The following EYS variants were observed in gnomAD, a reference collection of about 807,000 sequenced individuals.
EYS encodes protein eyes shut homolog.
Under a neutral mutation model 282.1 loss-of-function variants are expected in EYS, and 250 were observed. That is an observed-to-expected ratio of 0.89 (90% confidence interval 0.80 to 0.98). EYS has a LOEUF of 0.98. Ranked by LOEUF, EYS falls within the 50% of genes least tolerant of loss-of-function variation. The pLI, the probability that EYS is intolerant of heterozygous loss-of-function variation, is 0.00. For missense variants in EYS, 4,016 were observed against 3,709.0 expected (o/e 1.08, Z -2.15); for synonymous variants, 1,355 against 1,282.9 (o/e 1.06, Z -1.20).
chr6:63,857,181 G>A (rs778458254), intron 36 of EYS, among the ~76,000 whole-genome samples: 6 of 152,214 alleles, frequency 3.9e-5, no homozygotes, highest in African/African-American at 4.8e-5. Context: ...TTCGTAGTCC[G>A]AGATGACTTC....
rs902179630 is a variant in EYS at position 65,267,944 on chromosome 6, C to T, written c.2023+27919G>A. On this transcript the variant is annotated intron_variant, in intron 12 of 42. Coordinates refer to ENST00000503581, the MANE Select transcript of EYS (RefSeq NM_001142800.2). ...TTAGAAAATGTGTGTCTCACTATCTCTCCCCTCTAAACACACACACACCCA... is the reference window on the plus strand; with the variant it reads ...TTAGAAAATGTGTGTCTCACTATCTTTCCCCTCTAAACACACACACACCCA... 4.0e-5 allele frequency among the ~76,000 whole-genome samples: 6 copies of T among 151,812 alleles called. No homozygotes were observed. The South Asian group carries it at 1.2e-3, about 32-fold the overall frequency.
chr6:64,035,150 A>C lies in EYS; in HGVS notation c.6725+31188T>G, dbSNP rs1435849272. Reference sequence around the variant, plus strand: ...GACTTATCTGGTCCTTAGTGTCAATAGTGTCCAGTGTGATAAACTCTTTAA... The same window carrying C: ...GACTTATCTGGTCCTTAGTGTCAATCGTGTCCAGTGTGATAAACTCTTTAA... On this transcript the variant is annotated intron_variant, in intron 33 of 42. Coordinates refer to ENST00000503581, the MANE Select transcript of EYS (RefSeq NM_001142800.2). 2.0e-5 allele frequency among the ~76,000 whole-genome samples: 3 copies of C among 152,340 alleles called. No individual in the cohort carries two copies. The East Asian group carries it at 5.8e-4, about 29-fold the overall frequency.
chr6:64,047,600 G>A (rs1000274105), intron 33 of EYS, among the ~76,000 whole-genome samples: 9 of 152,300 alleles, frequency 5.9e-5, no homozygotes, highest in South Asian at 2.1e-4. Flanking sequence ...TATAGAATTA[G>A]GTGACTTAGT....
At chr6:64,723,299 A>G (rs1321353814) in intron 22 of EYS, among the ~76,000 whole-genome samples, 1 of 152,180 alleles carries the variant, frequency 6.6e-6, no homozygotes, top group Non-Finnish European at 1.5e-5. Flanking sequence ...AAATGCTTTC[A>G]GAAGAAACCC....
intron 1 of EYS, among the ~76,000 whole-genome samples, chr6:65,703,202 C>A (rs1435394993): frequency 6.6e-6 from 1 of 152,104 alleles, no homozygotes; most frequent in Non-Finnish European, 1.5e-5. Context: ...CTCTATCTCT[C>A]TCTCTCTATA....
At chr6:65,535,731 G>A (rs1415183302) in intron 2 of EYS, among the ~76,000 whole-genome samples, 1 of 152,088 alleles carries the variant, frequency 6.6e-6, no homozygotes, top group East Asian at 1.9e-4. Context: ...TTCTATTCAT[G>A]CCTTCAACTG....
chr6:65,490,481 C>T, intron 5 of EYS, 113 bp downstream of exon 5: 5 of 710,704 alleles, frequency 7.0e-6, no homozygotes, highest in Non-Finnish European at 1.3e-5. Context: ...GTATATATAC[C>T]TTCTGAAATT....
chr6:64,156,719 A>G (rs937738662), intron 31 of EYS, among the ~76,000 whole-genome samples: 3 of 152,182 alleles, frequency 2.0e-5, no homozygotes, highest in Non-Finnish European at 4.4e-5. Flanking sequence ...ATGTTTTAGC[A>G]AAGAGACTGG....
chr6:63,798,981 A>G (rs892883020), intron 37 of EYS, among the ~76,000 whole-genome samples: 6 of 110,438 alleles, frequency 5.4e-5, no homozygotes, highest in Non-Finnish European at 1.0e-4. Flanking sequence ...ATATATGTAT[A>G]TGTGTGTATA....
chr6:64,017,518 A>G (rs1378520338), intron 33 of EYS, among the ~76,000 whole-genome samples: 1 of 152,144 alleles, frequency 6.6e-6, no homozygotes, highest in Admixed American at 6.5e-5. Flanking sequence ...TCTGTTCCTC[A>G]GGTTCCTCCC....
intron 22 of EYS, among the ~76,000 whole-genome samples, chr6:64,657,903 C>A (rs1290893540): frequency 6.6e-6 from 1 of 152,100 alleles, no homozygotes; most frequent in Non-Finnish European, 1.5e-5. Context: ...TATTGGCCTG[C>A]CTTGCTAGAT....
intron 6 of EYS, 122 bp from the exon 7 acceptor site, chr6:65,402,727 C>A: frequency 1.6e-6 from 1 of 639,124 alleles, no homozygotes; most frequent in Admixed American, 2.7e-5. Context: ...AATTATCTGT[C>A]AGCAATGTGG....
At chr6:65,614,349 G>A (rs775685855) in intron 2 of EYS, among the ~76,000 whole-genome samples, 1 of 151,956 alleles carries the variant, frequency 6.6e-6, no homozygotes, top group Non-Finnish European at 1.5e-5. Context: ...GTTGTCTGGG[G>A]TCAAAGCTTT....
chr6:65,242,173 A>C (rs939360863), intron 12 of EYS, among the ~76,000 whole-genome samples: 2 of 152,066 alleles, frequency 1.3e-5, no homozygotes, highest in Non-Finnish European at 2.9e-5. Flanking sequence ...TTTACCATTT[A>C]AAGTTTGCAA....
intron 5 of EYS, among the ~76,000 whole-genome samples, chr6:65,431,101 A>G (rs1276635385): frequency 6.6e-6 from 1 of 152,148 alleles, no homozygotes. Flanking sequence ...CTACACTACT[A>G]CTTTCAATTT....
At chr6:64,737,819 G>A in intron 22 of EYS, among the ~76,000 whole-genome samples, 1 of 152,150 alleles carries the variant, frequency 6.6e-6, no homozygotes, top group East Asian at 1.9e-4. Context: ...TAAGGAAAGG[G>A]AGCACTGACA....
At chr6:65,459,127 T>A (rs1764729510) in intron 5 of EYS, among the ~76,000 whole-genome samples, 1 of 152,114 alleles carries the variant, frequency 6.6e-6, no homozygotes, top group East Asian at 1.9e-4. Context: ...CATTAAAATC[T>A]GATAAGATGG....
chr6:64,575,976 G>A (rs1355086015), intron 26 of EYS, among the ~76,000 whole-genome samples: 3 of 152,058 alleles, frequency 2.0e-5, no homozygotes, highest in Non-Finnish European at 4.4e-5. Flanking sequence ...TGAGCAAACT[G>A]AGGCTATGTC....
intron 31 of EYS, among the ~76,000 whole-genome samples, chr6:64,205,029 G>T (rs1765574269): frequency 1.3e-5 from 2 of 152,102 alleles, no homozygotes; most frequent in Non-Finnish European, 2.9e-5. Context: ...GAATTTAAGT[G>T]GTGGTAATAC....
Sources: gnomAD v4.1 joint callset for allele counts (sites outside exome capture counted in the v4.1 genomes callset) on GRCh38, gnomAD v4.1.1 for gene constraint, MANE v1.5 for transcripts, NCBI Gene and HGNC (gene_info 2026-07-23, HGNC 2026-07-21) for gene names.